RBFOX1: variants seen among roughly 807,000 people sequenced by gnomAD.
RBFOX1 encodes RNA binding protein fox-1 homolog 1.
Under a neutral mutation model 57.7 loss-of-function variants are expected in RBFOX1, and 8 were observed. The observed-to-expected ratio is 0.14, with a 90% CI of 0.08 to 0.25. The LOEUF (loss-of-function observed/expected upper bound fraction) is 0.25. Ranked by LOEUF, RBFOX1 falls within the 10% of genes least tolerant of loss-of-function variation. RBFOX1 has a pLI of 1.00. For synonymous variants in RBFOX1, 326 were observed against 222.4 expected (o/e 1.47, Z -4.15); for missense variants, 611 against 548.5 (o/e 1.11, Z -1.14).
At chr16:7,551,980 C>T (rs1053872608) in intron 5 of RBFOX1, among the ~76,000 whole-genome samples, 2 of 152,112 alleles carry the variant, frequency 1.3e-5, no homozygotes, top group African/African-American at 2.4e-5. Flanking sequence ...GTGCAAAGGC[C>T]GTGTGTCCAC....
At chr16:5,575,686 A>G (rs1284322106) in intron 2 of RBFOX1, among the ~76,000 whole-genome samples, 2 of 152,200 alleles carry the variant, frequency 1.3e-5, no homozygotes, top group Non-Finnish European at 2.9e-5. Context: ...GGACCTAACC[A>G]GTGAATAATC....
chr16:7,332,670 C>G (rs952967664), intron 4 of RBFOX1: 99 of 682,514 alleles, frequency 1.5e-4, no homozygotes, highest in Non-Finnish European at 1.8e-4. Flanking sequence ...GTCTCTCTCT[C>G]TGTCTCTCTC....
intron 4 of RBFOX1, among the ~76,000 whole-genome samples, chr16:7,218,459 G>T (rs944641833): frequency 1.3e-4 from 20 of 152,164 alleles, no homozygotes; most frequent in Non-Finnish European, 2.5e-4. Context: ...CCCAGTGAGA[G>T]AGCTCATACA....
chr16:5,943,951 C>G (rs867468406), intron 4 of RBFOX1, among the ~76,000 whole-genome samples: 3 of 150,552 alleles, frequency 2.0e-5, no homozygotes, highest in Middle Eastern at 3.4e-3. Flanking sequence ...TTCCATCCAT[C>G]CATCCATCCA....
intron 2 of RBFOX1, among the ~76,000 whole-genome samples, chr16:6,640,345 A>G (rs563253205): frequency 6.6e-6 from 1 of 152,246 alleles, no homozygotes; most frequent in East Asian, 1.9e-4. Flanking sequence ...ATAGTGGCTC[A>G]CATCTGTAAT....
intron 4 of RBFOX1, among the ~76,000 whole-genome samples, chr16:7,473,282 G>A (rs374706942): frequency 1.0e-3 from 152 of 151,998 alleles, no homozygotes; most frequent in African/African-American, 3.6e-3. Flanking sequence ...GGAGGCTGAG[G>A]CATGAGAATT....
intron 4 of RBFOX1, among the ~76,000 whole-genome samples, chr16:7,370,211 C>A (rs2097541700): frequency 6.6e-6 from 1 of 152,144 alleles, no homozygotes; most frequent in South Asian, 2.1e-4. Context: ...CCATTGTCCC[C>A]TGGGGAGGGG....
chr16:7,213,861 T>C (rs1216503839), intron 4 of RBFOX1, among the ~76,000 whole-genome samples: 5 of 152,128 alleles, frequency 3.3e-5, no homozygotes, highest in Non-Finnish European at 7.4e-5. Context: ...TGCCCAGCAA[T>C]AGGGGGAACG....
intron 3 of RBFOX1, among the ~76,000 whole-genome samples, chr16:5,633,104 A>G (rs977433663): frequency 2.8e-4 from 42 of 151,944 alleles, no homozygotes; most frequent in African/African-American, 9.7e-4. Flanking sequence ...ATGCCCGGCT[A>G]ATTTTTGTAT....
At chr16:6,946,669 C>CAT (rs1031514265) in intron 3 of RBFOX1, among the ~76,000 whole-genome samples, 1 of 95,764 alleles carries the variant, frequency 1.0e-5, no homozygotes, top group African/African-American at 3.7e-5. Context: ...GTAGTGAGAT[C>CAT]ACAGTTCACT....
At chr16:6,737,733 A>G (rs1318906275) in intron 3 of RBFOX1, among the ~76,000 whole-genome samples, 4 of 152,340 alleles carry the variant, frequency 2.6e-5, no homozygotes, top group African/African-American at 7.2e-5. Context: ...AGGTACACAA[A>G]TGATATATGG....
chr16:5,302,383 C>G (rs1024016964), intron 1 of RBFOX1, among the ~76,000 whole-genome samples: 1 of 152,192 alleles, frequency 6.6e-6, no homozygotes, highest in African/African-American at 2.4e-5. Flanking sequence ...GAATGGTCCA[C>G]AGGCACTTGA....
intron 4 of RBFOX1, among the ~76,000 whole-genome samples, chr16:7,246,792 T>G (rs1414054452): frequency 3.9e-5 from 6 of 152,014 alleles, no homozygotes; most frequent in Admixed American, 3.9e-4. Context: ...TTATTAAATA[T>G]CAGGTTCAAC....
chr16:5,618,575 G>A (rs1192790710), intron 3 of RBFOX1, among the ~76,000 whole-genome samples: 1 of 152,178 alleles, frequency 6.6e-6, no homozygotes, highest in South Asian at 2.1e-4. Flanking sequence ...CTGACCCTGT[G>A]ATCTGCCTGC....
At chr16:6,808,178 G>GTGTGTGTGTGTGTGTGTGTA (rs1318609964) in intron 3 of RBFOX1, among the ~76,000 whole-genome samples, 10 of 145,542 alleles carry the variant, frequency 6.9e-5, no homozygotes, top group African/African-American at 2.3e-4. Context: ...GTGTGTGTGT[G>GTGTGTGTGTGTGTGTGTGTA]TATATATATA....
intron 4 of RBFOX1, among the ~76,000 whole-genome samples, chr16:7,066,664 G>A (rs76244768): frequency 7.6e-4 from 115 of 152,274 alleles, no homozygotes; most frequent in Non-Finnish European, 1.4e-3. Flanking sequence ...AGCAATTATA[G>A]AAATCTATGT....
intron 4 of RBFOX1, among the ~76,000 whole-genome samples, chr16:5,943,142 A>G (rs537832074): frequency 1.1e-4 from 16 of 152,228 alleles, no homozygotes; most frequent in Non-Finnish European, 7.4e-5. Context: ...CATCCCTAAC[A>G]CAGCAGATCA....
At chr16:6,102,276 A>G (rs531523641) in intron 1 of RBFOX1, among the ~76,000 whole-genome samples, 5 of 150,950 alleles carry the variant, frequency 3.3e-5, no homozygotes, top group Admixed American at 2.6e-4. Flanking sequence ...CCCTCTCACT[A>G]TCTTTCCTTC....
At chr16:5,419,251 TAGACGGC>T (rs2067244697) in intron 1 of RBFOX1, among the ~76,000 whole-genome samples, 1 of 152,112 alleles carries the variant, frequency 6.6e-6, no homozygotes, top group African/African-American at 2.4e-5. Flanking sequence ...GTTGAAGTGG[TAGACGGC>T]CATAGTAGGC....
Sources: allele counts gnomAD v4.1 joint callset (sites outside exome capture counted in the v4.1 genomes callset), GRCh38; gene constraint gnomAD v4.1.1; transcripts MANE v1.5; gene names NCBI Gene and HGNC (gene_info 2026-07-23, HGNC 2026-07-21).